Variants in ARFGEF1 observed in about 807,000 individuals in gnomAD.
The protein encoded by ARFGEF1 is ARF guanine nucleotide exchange factor 1.
ARFGEF1 carries 42 observed loss-of-function variants against 231.0 expected under a neutral mutation model. That is an observed-to-expected ratio of 0.18 (90% CI 0.14 to 0.24). The LOEUF (loss-of-function observed/expected upper bound fraction) is 0.24. Ranked by LOEUF, ARFGEF1 falls within the 10% of genes least tolerant of loss-of-function variation. ARFGEF1 has a pLI of 1.00. For synonymous variants in ARFGEF1, 710 were observed against 732.3 expected (o/e 0.97, Z 0.49); for missense variants, 1,345 against 2,192.0 (o/e 0.61, Z 7.72).
rs767833271 is a variant in ARFGEF1 at position 67,224,886 on chromosome 8, C to G, written c.4208+17G>C. 6.7e-7 allele frequency: 1 copy of G among 1,500,070 alleles called. No homozygotes were observed. Among genetic ancestry groups the G allele is most frequent in the South Asian group, 1.4e-5 (1 of 72,542 alleles). 92.9% of individuals were successfully genotyped at this position (1,500,070 alleles called of 1,614,324 possible). A position where few individuals can be genotyped will look rare whatever the true frequency, so the allele number is the denominator to read the frequency against. On this transcript the variant is annotated intron_variant, in intron 29 of 38. Transcript: ENST00000262215. The stretch of plus-strand genomic sequence containing the variant: ...CAAAATAAATCCAAAATTTTAATTA[C>G]AAATATAGATTGTTACCTGGTTCTT...
chr8:67,339,735 C>CTGGAGCT (rs1185983197), intron 1 of ARFGEF1, among the ~76,000 whole-genome samples: 1 of 120,490 alleles, frequency 8.3e-6, no homozygotes, highest in African/African-American at 3.3e-5. Flanking sequence ...AGAGGGCAAC[C>CTGGAGCT]TGGAGCTGTT....
intron 5 of ARFGEF1, among the ~76,000 whole-genome samples, chr8:67,182,250 G>A (rs558091211): frequency 5.3e-5 from 8 of 152,050 alleles, no homozygotes; most frequent in Non-Finnish European, 8.8e-5. Flanking sequence ...TGATCCTCCT[G>A]CGGCCTCCCA....
chr8:67,178,379 C>G (rs908808579), intron 5 of ARFGEF1, among the ~76,000 whole-genome samples: 1 of 152,166 alleles, frequency 6.6e-6, no homozygotes, highest in Non-Finnish European at 1.5e-5. Flanking sequence ...TCTTTTCAAT[C>G]AACAAATATT....
intron 23 of ARFGEF1, among the ~76,000 whole-genome samples, chr8:67,229,785 T>C (rs900444143): frequency 5.9e-5 from 9 of 152,024 alleles, no homozygotes; most frequent in African/African-American, 1.7e-4. Context: ...ACACCATGAA[T>C]ACAGTCAAAA....
At chr8:67,201,416 C>G in intron 37 of ARFGEF1, 51 bp downstream of exon 37, 1 of 1,567,642 alleles carries the variant, frequency 6.4e-7, no homozygotes, top group Non-Finnish European at 8.6e-7. Context: ...CTTTCCTGCC[C>G]GGCACCACGT....
intron 6 of ARFGEF1, among the ~76,000 whole-genome samples, chr8:67,288,775 C>G (rs1418704282): frequency 1.3e-5 from 2 of 151,992 alleles, no homozygotes; most frequent in Admixed American, 1.3e-4. Flanking sequence ...TACTTAGGCT[C>G]ATCAATAGTA....
chr8:67,195,068 C>T (rs117095869), downstream of ARFGEF1, among the ~76,000 whole-genome samples: 659 of 152,270 alleles, frequency 4.3e-3, 1 homozygote, highest in Non-Finnish European at 7.4e-3. Context: ...ACCTACATTC[C>T]TCCTGTTGAC....
At chr8:67,244,106 G>T (rs572874797) in intron 19 of ARFGEF1, among the ~76,000 whole-genome samples, 13 of 151,648 alleles carry the variant, frequency 8.6e-5, no homozygotes, top group Admixed American at 7.2e-4. Context: ...GCCAGACATG[G>T]TGGCAGGTGC....
intron 5 of ARFGEF1, among the ~76,000 whole-genome samples, chr8:67,180,868 A>C (rs1832837648): frequency 1.3e-5 from 2 of 151,920 alleles, no homozygotes; most frequent in Admixed American, 1.3e-4. Flanking sequence ...TTTTTTTTTA[A>C]AGTAGTATAC....
At chr8:67,180,394 A>G (rs1832729030) in intron 5 of ARFGEF1, among the ~76,000 whole-genome samples, 1 of 152,246 alleles carries the variant, frequency 6.6e-6, no homozygotes, top group Non-Finnish European at 1.5e-5. Flanking sequence ...TTACAAAATT[A>G]AGAAATTGAG....
chr8:67,285,378 G>A lies in ARFGEF1; in HGVS notation c.1027+2577C>T, dbSNP rs561169362. Among the ~76,000 whole-genome samples, 7 of 152,132 alleles carry A rather than the reference G, an allele frequency of 4.6e-5. No homozygotes were observed. The South Asian group carries it at 1.0e-3, about 23-fold the overall frequency. On this transcript the variant is annotated intron_variant, in intron 7 of 38. Transcript: ENST00000262215. ...AAAAAAATACAAAAACTAGCCGGGC[G>A]TGGTGGTGTGTAACTGTAGACTCAG...
intron 5 of ARFGEF1, chr8:67,190,781 C>T (rs779383279): frequency 1.3e-6 from 2 of 1,518,580 alleles, no homozygotes; most frequent in East Asian, 2.3e-5. Context: ...ACTTTTCTCC[C>T]CCTTTTCAAC....
At chr8:67,215,531 T>A (rs770748049) in intron 33 of ARFGEF1, among the ~76,000 whole-genome samples, 7 of 152,208 alleles carry the variant, frequency 4.6e-5, no homozygotes, top group Non-Finnish European at 8.8e-5. Flanking sequence ...CTAAATCCAA[T>A]GACTAATGTC....
chr8:67,277,145 C>A, intron 8 of ARFGEF1, 137 bp downstream of exon 8: 2 of 870,810 alleles, frequency 2.3e-6, no homozygotes, highest in South Asian at 2.1e-5. Context: ...AAAAAAAACC[C>A]CAAGTTTCTT....
rs148750574 is a variant in ARFGEF1, at chr8:67,227,421, A to G, written c.3743+26T>C. 325 of 1,607,018 alleles carry G rather than the reference A, an allele frequency of 2.0e-4. 2 individuals are homozygous for G. The East Asian group carries it at 6.3e-3, about 31-fold the overall frequency. On this transcript the variant is annotated intron_variant, in intron 26 of 38. Transcript: ENST00000262215. ...TGGAAAACAACAAGATTTTCCTTCTATTAAGCAATTCAACAAATATAGTAC... is the reference window on the plus strand; with the variant it reads ...TGGAAAACAACAAGATTTTCCTTCTGTTAAGCAATTCAACAAATATAGTAC...
At chr8:67,190,575 A>G in intron 5 of ARFGEF1, 1 of 1,083,402 alleles carries the variant, frequency 9.2e-7, no homozygotes, top group Non-Finnish European at 1.4e-6. Context: ...TTAGTAATTA[A>G]AAGGCTCTTG....
chr8:67,330,612 A>G (rs185965820), intron 1 of ARFGEF1, among the ~76,000 whole-genome samples: 1 of 152,120 alleles, frequency 6.6e-6, no homozygotes, highest in East Asian at 1.9e-4. Context: ...AATTGTAAAA[A>G]CTCATTTTTG....
At chr8:67,301,055 T>C (rs1437760844) in intron 3 of ARFGEF1, among the ~76,000 whole-genome samples, 169 bp downstream of exon 3, 1 of 152,224 alleles carries the variant, frequency 6.6e-6, no homozygotes, top group East Asian at 1.9e-4. Flanking sequence ...TAGAAATATC[T>C]TTTTGCAACT....
intron 29 of ARFGEF1, 135 bp downstream of exon 29, chr8:67,224,768 T>C (rs1839315534): frequency 2.1e-6 from 1 of 482,026 alleles, no homozygotes; most frequent in Non-Finnish European, 3.3e-6. Flanking sequence ...TTTTAAAATA[T>C]ACCTAATAAT....
Sources: allele counts gnomAD v4.1 joint callset (sites outside exome capture counted in the v4.1 genomes callset), GRCh38; gene constraint gnomAD v4.1.1; transcripts MANE v1.5; gene names NCBI Gene and HGNC (gene_info 2026-07-23, HGNC 2026-07-21).